The following IFT56 variants were observed in gnomAD, a reference collection of about 807,000 sequenced individuals.
The protein encoded by IFT56 is intraflagellar transport 56.
At chr7:139,155,023 G>A in the IFT56 span, among the ~76,000 whole-genome samples, 7 of 151,662 alleles carry the variant, frequency 4.6e-5, no homozygotes, top group Non-Finnish European at 1.0e-4. Flanking sequence ...GTTTTTATGG[G>A]GCAAGTTTTA....
the IFT56 span, chr7:139,142,156 G>T: frequency 8.1e-7 from 1 of 1,232,288 alleles, no homozygotes; most frequent in South Asian, 1.2e-5. Flanking sequence ...AGGATCAGAT[G>T]AGTAAGGTTT....
At chr7:139,139,848 C>G in the IFT56 span, 2 of 1,381,802 alleles carry the variant, frequency 1.4e-6, no homozygotes, top group Non-Finnish European at 2.0e-6. Flanking sequence ...CCATCAATTG[C>G]TTTGCTGCCA....
chr7:139,187,242 T>C, the IFT56 span, among the ~76,000 whole-genome samples: 1 of 152,224 alleles, frequency 6.6e-6, no homozygotes, highest in Non-Finnish European at 1.5e-5. Flanking sequence ...TTCCTTCTTA[T>C]TGTTTTAATT....
chr7:139,184,993 G>A, the IFT56 span, among the ~76,000 whole-genome samples: 427 of 151,200 alleles, frequency 2.8e-3, 7 homozygotes, highest in African/African-American at 0.01. Context: ...GGTGGAGCTT[G>A]CAGTGAGCCG....
the IFT56 span, among the ~76,000 whole-genome samples, chr7:139,134,273 ATT>A: frequency 5.4e-4 from 77 of 141,324 alleles, no homozygotes; most frequent in African/African-American, 1.4e-3. Flanking sequence ...TTGACTTATA[ATT>A]TTTTTTTTTT....
chr7:139,143,338 A>G, the IFT56 span, among the ~76,000 whole-genome samples: 1 of 152,100 alleles, frequency 6.6e-6, no homozygotes, highest in African/African-American at 2.4e-5. Context: ...TCTGCTTTAC[A>G]TGTTTTTCAG....
the IFT56 span, among the ~76,000 whole-genome samples, chr7:139,160,340 G>C: frequency 6.6e-6 from 1 of 152,008 alleles, no homozygotes; most frequent in Non-Finnish European, 1.5e-5. Flanking sequence ...AATCACCTTT[G>C]ACACTGAAAG....
At chr7:139,187,100 CAAAAAAAAAA>C in the IFT56 span, among the ~76,000 whole-genome samples, 5 of 51,622 alleles carry the variant, frequency 9.7e-5, 1 homozygote, top group East Asian at 2.6e-3. Context: ...GACTCCGTCT[CAAAAAAAAAA>C]AAAAAAAAAA....
At chr7:139,155,905 T>C in the IFT56 span, among the ~76,000 whole-genome samples, 2 of 152,188 alleles carry the variant, frequency 1.3e-5, no homozygotes, top group Admixed American at 6.5e-5. Context: ...CCTGGGCTTT[T>C]TATTTCATTG....
At chr7:139,187,599 C>T in the IFT56 span, 15 of 1,571,280 alleles carry the variant, frequency 9.5e-6, no homozygotes, top group Admixed American at 2.4e-4. Context: ...AGGGAAAATA[C>T]TTGTTCTCTT....
At chr7:139,166,590 G>A in the IFT56 span, among the ~76,000 whole-genome samples, 2 of 152,066 alleles carry the variant, frequency 1.3e-5, no homozygotes, top group East Asian at 3.9e-4. Context: ...CATTGGCATA[G>A]AATGCCTCAT....
the IFT56 span, chr7:139,161,087 T>C: frequency 2.2e-6 from 3 of 1,392,864 alleles, no homozygotes; most frequent in South Asian, 3.7e-5. Context: ...TCACAGCAAT[T>C]AGAAAGATTA....
chr7:139,160,927 C>G, the IFT56 span: 1 of 1,601,078 alleles, frequency 6.2e-7, no homozygotes, highest in South Asian at 1.1e-5. Context: ...TTTTCATAAG[C>G]CTTTCTTCTT....
chr7:139,165,043 C>T, the IFT56 span: 40 of 975,320 alleles, frequency 4.1e-5, 1 homozygote, highest in African/African-American at 4.8e-4. Context: ...ATATCATGAA[C>T]CCAGTTATAT....
At chr7:139,147,272 G>A in the IFT56 span, 22 of 1,610,720 alleles carry the variant, frequency 1.4e-5, no homozygotes, top group Admixed American at 1.0e-4. Context: ...ATATATAAGC[G>A]AATACTGCTA....
the IFT56 span, among the ~76,000 whole-genome samples, chr7:139,171,618 G>A: frequency 6.6e-6 from 1 of 152,030 alleles, no homozygotes; most frequent in African/African-American, 2.4e-5. Context: ...AATTATGCTG[G>A]GAAAACTGGA....
chr7:139,145,426 T>C, the IFT56 span, among the ~76,000 whole-genome samples: 1 of 151,896 alleles, frequency 6.6e-6, no homozygotes, highest in Admixed American at 6.6e-5. Context: ...GTAGATTTTT[T>C]TTGTTTGTTT....
the IFT56 span, among the ~76,000 whole-genome samples, chr7:139,161,662 T>C: frequency 6.6e-6 from 1 of 152,250 alleles, no homozygotes; most frequent in Non-Finnish European, 1.5e-5. Context: ...GATTTCTCTA[T>C]TCCTTTTTGT....
chr7:139,140,180 A>G, the IFT56 span, among the ~76,000 whole-genome samples: 1 of 152,192 alleles, frequency 6.6e-6, no homozygotes, highest in East Asian at 1.9e-4. Context: ...GTTTAAAGAG[A>G]GAGTTAGTGC....
Sources: gnomAD v4.1 joint callset for allele counts (sites outside exome capture counted in the v4.1 genomes callset) on GRCh38, gnomAD v4.1.1 for gene constraint, MANE v1.5 for transcripts, NCBI Gene and HGNC (gene_info 2026-07-23, HGNC 2026-07-21) for gene names.